The following LRP1B variants were observed in gnomAD, a reference collection of about 807,000 sequenced individuals.
LRP1B encodes the protein low-density lipoprotein receptor-related protein 1B.
LRP1B carries 217 observed loss-of-function variants against 556.6 expected under a neutral mutation model. The observed-to-expected ratio is 0.39, with a 90% CI of 0.35 to 0.44. The LOEUF (loss-of-function observed/expected upper bound fraction) is 0.44. Ranked by LOEUF, LRP1B falls within the 20% of genes least tolerant of loss-of-function variation. The pLI is 1.00. For missense variants in LRP1B, 5,053 were observed against 5,620.8 expected (o/e 0.90, Z 3.23); for synonymous variants, 2,047 against 1,865.8 (o/e 1.10, Z -2.50).
intron 14 of LRP1B, among the ~76,000 whole-genome samples, chr2:141,006,433 T>C (rs75155151): frequency 1.3e-5 from 2 of 152,018 alleles, no homozygotes; most frequent in African/African-American, 2.4e-5. Flanking sequence ...GGTGTCGGTA[T>C]GAATAAATAC....
At chr2:141,018,661 G>A (rs1697979699) in intron 12 of LRP1B, among the ~76,000 whole-genome samples, 1 of 152,066 alleles carries the variant, frequency 6.6e-6, no homozygotes, top group South Asian at 2.1e-4. Flanking sequence ...TAACAACAGT[G>A]AGAAAGAAGA....
At chr2:140,970,799 G>A (rs946301085) in intron 18 of LRP1B, among the ~76,000 whole-genome samples, 6 of 138,438 alleles carry the variant, frequency 4.3e-5, no homozygotes, top group African/African-American at 1.7e-4. Flanking sequence ...GCAGTGTAAT[G>A]GAACACTCCT....
At chr2:141,326,199 C>G (rs948750124) in intron 3 of LRP1B, among the ~76,000 whole-genome samples, 2 of 151,906 alleles carry the variant, frequency 1.3e-5, no homozygotes, top group Non-Finnish European at 2.9e-5. Context: ...ATGTGCTTGT[C>G]AAGAATGGAT....
intron 41 of LRP1B, among the ~76,000 whole-genome samples, chr2:140,651,888 A>G (rs1048645371): frequency 6.6e-6 from 1 of 152,202 alleles, no homozygotes; most frequent in East Asian, 1.9e-4. Flanking sequence ...TGGAAAATAG[A>G]TAACATGGTT....
intron 32 of LRP1B, among the ~76,000 whole-genome samples, chr2:140,779,753 AGAGTGT>A (rs56075981): frequency 0.066 from 8,899 of 133,932 alleles, 402 homozygotes; most frequent in Middle Eastern, 0.13. Context: ...TCTCTGTGAG[AGAGTGT>A]GTGTGTGTGT....
At position 140,358,114 on chromosome 2, in the gene LRP1B, T is replaced by C. The variant is rs144413319; in HGVS notation, c.11260A>G (p.Lys3754Glu). The C allele has an allele frequency of 1.2e-6, 2 of 1,610,332 alleles. No individual in the cohort carries two copies. Among genetic ancestry groups the C allele is most frequent in the African/African-American group, 2.7e-5 (2 of 74,702 alleles). The change falls in exon 74 of 91, where the codon AAG (lysine) becomes GAG (glutamate). Residue 3754 changes from lysine (K) to glutamate (E), a missense_variant and splice_region_variant. By Grantham distance (56) the Lys-to-Glu change is moderately conservative (BLOSUM62 1). Coordinates refer to ENST00000389484, the MANE Select transcript of LRP1B (RefSeq NM_018557.3). ...DNSDEDHCGG[K>E]LTYKARPCKK... ...CAAGGCCTTGCTTTATATGTCAGCTTACCTATAGAGTCATACAAAAAATGA... is the reference window on the plus strand; with the variant it reads ...CAAGGCCTTGCTTTATATGTCAGCTCACCTATAGAGTCATACAAAAAATGA...
chr2:140,975,264 G>A (rs910626818), intron 18 of LRP1B, among the ~76,000 whole-genome samples: 4 of 151,816 alleles, frequency 2.6e-5, no homozygotes, highest in South Asian at 2.1e-4. Flanking sequence ...GGGAAAAGAA[G>A]AGAGAAGAAA....
intron 3 of LRP1B, among the ~76,000 whole-genome samples, chr2:141,264,104 C>T (rs1396123321): frequency 6.6e-6 from 1 of 151,996 alleles, no homozygotes; most frequent in Non-Finnish European, 1.5e-5. Flanking sequence ...CATTAAGGGG[C>T]TTTAACAAAG....
intron 3 of LRP1B, among the ~76,000 whole-genome samples, chr2:141,317,329 C>T (rs113275739): frequency 0.023 from 3,463 of 152,140 alleles, 69 homozygotes; most frequent in Non-Finnish European, 0.036. Context: ...TCAATGTGTC[C>T]GCTGGGTTGG....
intron 3 of LRP1B, among the ~76,000 whole-genome samples, chr2:141,298,084 T>A (rs1279874283): frequency 6.6e-6 from 1 of 152,172 alleles, no homozygotes; most frequent in African/African-American, 2.4e-5. Flanking sequence ...GCTCCCTCAA[T>A]AATTTCATAA....
intron 3 of LRP1B, among the ~76,000 whole-genome samples, chr2:141,366,548 T>C (rs1430697302): frequency 2.6e-5 from 4 of 152,210 alleles, no homozygotes; most frequent in Non-Finnish European, 5.9e-5. Context: ...CATTTCCTGT[T>C]TGCATTTTCA....
chr2:142,084,714 A>T (rs970771841), intron 1 of LRP1B, among the ~76,000 whole-genome samples: 1 of 152,154 alleles, frequency 6.6e-6, no homozygotes, highest in Non-Finnish European at 1.5e-5. Context: ...GATTACTGTA[A>T]TAGTTACCTA....
At chr2:140,414,766 G>C (rs564085894) in intron 66 of LRP1B, among the ~76,000 whole-genome samples, 3 of 152,074 alleles carry the variant, frequency 2.0e-5, no homozygotes, top group Non-Finnish European at 4.4e-5. Context: ...ATTGTAAAAC[G>C]TGTGTTTGAA....
rs200698768 is a variant in LRP1B at position 141,781,584 on chromosome 2, C to CA, written c.205+28694dup. Among the ~76,000 whole-genome samples the CA allele has an allele frequency of 1.2e-3, 190 of 152,206 alleles. 2 individuals are homozygous for CA. The East Asian group carries it at 0.028, about 23-fold the overall frequency. ...CAAAACTCCATTAAAAATCAGAAAA[C>CA]AAAAATGGAAAGCAGCATTTGTTTG... On this transcript the variant is annotated intron_variant, in intron 2 of 90. Transcript: ENST00000389484.
chr2:140,841,804 CT>C (rs1341690726), intron 29 of LRP1B, among the ~76,000 whole-genome samples: 3 of 152,066 alleles, frequency 2.0e-5, no homozygotes, highest in African/African-American at 7.2e-5. Context: ...GCAACTTCCA[CT>C]TAAAAACTGC....
At chr2:140,916,646 G>A (rs1321214098) in intron 21 of LRP1B, among the ~76,000 whole-genome samples, 2 of 152,112 alleles carry the variant, frequency 1.3e-5, no homozygotes, top group Non-Finnish European at 2.9e-5. Context: ...GAAGGTAGAT[G>A]AGTCAGCACC....
chr2:140,526,742 C>T (rs1359727715), intron 47 of LRP1B, among the ~76,000 whole-genome samples: 7 of 149,094 alleles, frequency 4.7e-5, no homozygotes, highest in Non-Finnish European at 1.0e-4. Context: ...CTCTCTCTTT[C>T]CACCTTCAAC....
At chr2:142,103,718 TC>T (rs1706646877) in intron 1 of LRP1B, among the ~76,000 whole-genome samples, 1 of 151,724 alleles carries the variant, frequency 6.6e-6, no homozygotes, top group African/African-American at 2.4e-5. Context: ...CAATGATTTT[TC>T]ATGAATTAAA....
chr2:140,318,763 G>A (rs2105045153), intron 82 of LRP1B, among the ~76,000 whole-genome samples: 1 of 152,106 alleles, frequency 6.6e-6, no homozygotes, highest in Admixed American at 6.6e-5. Context: ...CATTTACTAA[G>A]TAATGTTAGA....
Sources: allele counts gnomAD v4.1 joint callset (sites outside exome capture counted in the v4.1 genomes callset), GRCh38; gene constraint gnomAD v4.1.1; transcripts MANE v1.5; gene names NCBI Gene and HGNC (gene_info 2026-07-23, HGNC 2026-07-21).